The following KAZN variants were observed in gnomAD, a reference collection of about 807,000 sequenced individuals.
KAZN encodes the protein kazrin, periplakin interacting protein.
KAZN carries 40 observed loss-of-function variants against 87.4 expected under a neutral mutation model. The observed-to-expected ratio is 0.46, with a 90% CI of 0.36 to 0.60. KAZN has a LOEUF of 0.60. Ranked by LOEUF, KAZN falls within the 20% of genes least tolerant of loss-of-function variation. The probability of loss-of-function intolerance (pLI) is 0.00; values close to 1 mark genes in which losing one functional copy is unlikely to be tolerated. For synonymous variants in KAZN, 466 were observed against 458.3 expected (o/e 1.02, Z -0.22); for missense variants, 898 against 1,073.9 (o/e 0.84, Z 2.29).
chr1:14,950,803 T>C (rs919824654), intron 1 of KAZN, among the ~76,000 whole-genome samples: 9 of 151,944 alleles, frequency 5.9e-5, no homozygotes, highest in Admixed American at 5.2e-4. Flanking sequence ...AGGGAAAAGA[T>C]GGAAATGGGG....
intron 1 of KAZN, among the ~76,000 whole-genome samples, chr1:13,984,080 C>T (rs1033590498): frequency 9.9e-5 from 15 of 151,926 alleles, no homozygotes; most frequent in African/African-American, 3.1e-4. Context: ...ATGTGATCTC[C>T]GCTCACTACA....
chr1:14,188,317 T>C (rs1046263381), intron 2 of KAZN, among the ~76,000 whole-genome samples: 8 of 151,834 alleles, frequency 5.3e-5, no homozygotes, highest in Admixed American at 5.3e-4. Flanking sequence ...CATGAGGTGA[T>C]TGGAAATAGC....
chr1:14,310,911 G>A (rs1023161366), intron 2 of KAZN, among the ~76,000 whole-genome samples: 11 of 152,196 alleles, frequency 7.2e-5, no homozygotes, highest in Non-Finnish European at 1.5e-4. Context: ...CAGCACCAAA[G>A]GAAGCCCACA....
rs185844172 is a variant in KAZN at position 13,970,096 on chromosome 1, A to G, written c.91+76340A>G. 6.2e-4 allele frequency among the ~76,000 whole-genome samples: 95 copies of G among 152,340 alleles called. 1 individual carries two copies. The highest frequency in any genetic ancestry group is 8.8e-4 in the Non-Finnish European group (60 of 68,032). The stretch of plus-strand genomic sequence containing the variant: ...TAACATTCCTGCACCTTCGTCACTC[A>G]TATCTTAGATTCCAGGAATATCTAA... On this transcript the variant is annotated intron_variant, in intron 1 of 16. Coordinates refer to the KAZN transcript ENST00000636203.
intron 1 of KAZN, among the ~76,000 whole-genome samples, chr1:14,956,689 C>A (rs1034170600): frequency 6.6e-6 from 1 of 152,092 alleles, no homozygotes; most frequent in African/African-American, 2.4e-5. Context: ...GTCACTCACA[C>A]CTTATTGTGA....
chr1:15,075,823 T>C (rs1639714089), intron 8 of KAZN, among the ~76,000 whole-genome samples: 1 of 152,190 alleles, frequency 6.6e-6, no homozygotes, highest in African/African-American at 2.4e-5. Flanking sequence ...TCCTAGGTCC[T>C]AGATATAGAC....
At chr1:14,475,376 T>A (rs1244385020) in intron 2 of KAZN, among the ~76,000 whole-genome samples, 1 of 152,186 alleles carries the variant, frequency 6.6e-6, no homozygotes, top group Non-Finnish European at 1.5e-5. Flanking sequence ...CGGAAAATAA[T>A]GTGAAGAATA....
intron 2 of KAZN, among the ~76,000 whole-genome samples, chr1:14,528,337 CAA>C (rs33960231): frequency 1.0e-4 from 5 of 49,358 alleles, no homozygotes; most frequent in Admixed American, 3.4e-4. Context: ...GACTCCATCT[CAA>C]AAAAAAAAAA....
intron 1 of KAZN, among the ~76,000 whole-genome samples, chr1:14,756,388 CT>C (rs1644567291): frequency 6.6e-6 from 1 of 152,166 alleles, no homozygotes; most frequent in African/African-American, 2.4e-5. Context: ...GTCAGCCCCC[CT>C]GCAAAAATGG....
At chr1:15,047,134 T>A (rs540272149) in intron 4 of KAZN, among the ~76,000 whole-genome samples, 1 of 152,204 alleles carries the variant, frequency 6.6e-6, no homozygotes, top group Non-Finnish European at 1.5e-5. Flanking sequence ...TTTATGTTCA[T>A]GTTAACAGCA....
At chr1:14,003,728 G>C (rs576665650) in intron 1 of KAZN, among the ~76,000 whole-genome samples, 8 of 152,166 alleles carry the variant, frequency 5.3e-5, no homozygotes, top group African/African-American at 1.9e-4. Context: ...GCAAAAGCAA[G>C]CAAAAACAAA....
intron 1 of KAZN, among the ~76,000 whole-genome samples, chr1:14,714,803 T>TG (rs1557910267): frequency 6.7e-6 from 1 of 148,892 alleles, no homozygotes; most frequent in African/African-American, 2.5e-5. Context: ...TTTTGTTTTT[T>TG]TTTTTTTTTG....
intron 1 of KAZN, among the ~76,000 whole-genome samples, chr1:14,159,920 G>T (rs1645674305): frequency 6.6e-6 from 1 of 152,180 alleles, no homozygotes; most frequent in Non-Finnish European, 1.5e-5. Flanking sequence ...CTGGAAAGGG[G>T]GTCTTATGAC....
intron 2 of KAZN, among the ~76,000 whole-genome samples, chr1:14,337,879 G>A (rs1469459584): frequency 3.7e-5 from 5 of 136,432 alleles, no homozygotes; most frequent in African/African-American, 1.4e-4. Context: ...GGGTGACAGA[G>A]CAAGACTCTG....
At position 15,056,299 on chromosome 1, in the gene KAZN, TGGCTCCACCAC is replaced by T. The variant is rs768163391; in HGVS notation, c.916+24_916+34del. On this transcript the variant is annotated intron_variant, in intron 5 of 14. Transcript: ENST00000376030. The surrounding 1 kb of genome is among the most constrained non-coding windows in gnomAD (Gnocchi z 5.4). ...CGGCAAGGTGAGTCCTGCCCTGGCC[TGGCTCCACCAC>T]GGCTTCGAGGGGCTTCACAGGAGGC... 5 of 1,584,190 alleles carry T rather than the reference TGGCTCCACCAC, an allele frequency of 3.2e-6. No individual in the cohort carries two copies. Among genetic ancestry groups the T allele is most frequent in the Non-Finnish European group, 4.3e-6 (5 of 1,157,916 alleles).
chr1:14,765,276 C>T (rs1204524340), intron 1 of KAZN, among the ~76,000 whole-genome samples: 1 of 152,232 alleles, frequency 6.6e-6, no homozygotes, highest in Non-Finnish European at 1.5e-5. Flanking sequence ...CAAGGTCACC[C>T]TCAGTTGCAA....
chr1:14,333,329 T>C (rs1656985160), intron 2 of KAZN, among the ~76,000 whole-genome samples: 1 of 152,188 alleles, frequency 6.6e-6, no homozygotes. Flanking sequence ...CTATTGTGAA[T>C]AGTGCTGCAG....
chr1:14,323,542 C>G (rs562991571), intron 2 of KAZN, among the ~76,000 whole-genome samples: 1 of 152,092 alleles, frequency 6.6e-6, no homozygotes, highest in Non-Finnish European at 1.5e-5. Flanking sequence ...AACATTCCAG[C>G]CCATTCTTTG....
intron 1 of KAZN, among the ~76,000 whole-genome samples, chr1:14,686,670 T>A (rs1229544281): frequency 6.6e-6 from 1 of 152,152 alleles, no homozygotes; most frequent in Non-Finnish European, 1.5e-5. Flanking sequence ...TTGCCTAATA[T>A]CGGGTGTAGC....
Sources: allele counts gnomAD v4.1 joint callset (sites outside exome capture counted in the v4.1 genomes callset), GRCh38; gene constraint gnomAD v4.1.1; non-coding constraint Gnocchi (gnomAD v3.1); transcripts MANE v1.5; gene names NCBI Gene and HGNC (gene_info 2026-07-23, HGNC 2026-07-21).